Variants in SLC6A4 observed in about 807,000 individuals in gnomAD.
The protein encoded by SLC6A4 is solute carrier family 6 member 4, also known as sodium-dependent serotonin transporter.
Under a neutral mutation model 73.4 loss-of-function variants are expected in SLC6A4, and 22 were observed. That is an observed-to-expected ratio of 0.30 (90% confidence interval 0.21 to 0.43). The LOEUF is 0.43. Ranked by LOEUF, SLC6A4 falls within the 20% of genes least tolerant of loss-of-function variation. The pLI, the probability that SLC6A4 is intolerant of heterozygous loss-of-function variation, is 1.00. For missense variants in SLC6A4, 593 were observed against 808.5 expected (o/e 0.73, Z 3.23); for synonymous variants, 270 against 315.5 (o/e 0.86, Z 1.53).
chr17:30,204,838 T>C (rs1243517032), intron 13 of SLC6A4, among the ~76,000 whole-genome samples: 1 of 152,110 alleles, frequency 6.6e-6, no homozygotes, highest in Non-Finnish European at 1.5e-5. Context: ...ATGGGAATTA[T>C]GAGTAGTGCG....
At chr17:30,214,557 G>T (rs1156565327) in intron 8 of SLC6A4, among the ~76,000 whole-genome samples, 1 of 150,594 alleles carries the variant, frequency 6.6e-6, no homozygotes, top group Non-Finnish European at 1.5e-5. Context: ...TAAACACATT[G>T]ACTAGTTAAA....
rs1465807544 is a variant in SLC6A4 at position 30,209,102 on chromosome 17, T to C, written c.1549+41A>G. ...AGCCCTTTGCTACTGTGCTGGCTGA[T>C]GGTGTAGAAGGGACCCAGCTGGCTG... On this transcript the variant is annotated intron_variant, in intron 12 of 14. Transcript: ENST00000650711. 3 of 1,386,526 alleles carry C rather than the reference T, an allele frequency of 2.2e-6. No individual in the cohort carries two copies. The South Asian group carries it at 3.5e-5, about 16-fold the overall frequency. The allele number at this position is 1,386,526 out of a possible 1,614,324, so 85.9% of individuals were successfully genotyped here.
In SLC6A4 at chr17:30,218,998, T is replaced by C. The variant is rs868542881; in HGVS notation, c.344-67A>G. 22 of 1,588,404 alleles carry C rather than the reference T, an allele frequency of 1.4e-5. No individual in the cohort carries two copies. In the Middle Eastern group the frequency reaches 1.1e-3, roughly 77 times the overall value. On this transcript the variant is annotated intron_variant, in intron 3 of 14. Transcript: ENST00000650711. Reference sequence around the variant, plus strand: ...GTCCCAGGATAGCCCAACCAATCTGTGACTGAGAATCACAGTCGCCGGATG... The same window carrying C: ...GTCCCAGGATAGCCCAACCAATCTGCGACTGAGAATCACAGTCGCCGGATG...
intron 1 of SLC6A4, among the ~76,000 whole-genome samples, chr17:30,224,006 A>G (rs1906851749): frequency 6.6e-6 from 1 of 152,232 alleles, no homozygotes; most frequent in African/African-American, 2.4e-5. Context: ...ATATTCAGCT[A>G]AATTAAACCT....
chr17:30,226,437 C>T (rs1294712140), intron 1 of SLC6A4, among the ~76,000 whole-genome samples: 1 of 152,232 alleles, frequency 6.6e-6, no homozygotes, highest in African/African-American at 2.4e-5. Context: ...AGCTGGCTCA[C>T]GCCTGTAATC....
chr17:30,205,195 T>C (rs1275480862), intron 13 of SLC6A4, among the ~76,000 whole-genome samples: 2 of 152,180 alleles, frequency 1.3e-5, no homozygotes, highest in African/African-American at 4.8e-5. Context: ...TTAAAAAATA[T>C]TGTGTGAAAA....
At chr17:30,230,629 GA>G (rs920238430) in intron 1 of SLC6A4, among the ~76,000 whole-genome samples, 1 of 152,134 alleles carries the variant, frequency 6.6e-6, no homozygotes, top group African/African-American at 2.4e-5. Context: ...GGGAAGTGGG[GA>G]AAAGGGGGTT....
rs1161007387 is a variant in SLC6A4 at position 30,198,500 on chromosome 17, G to A, written c.1849C>T (p.Pro617Ser). Reference protein sequence around the residue: ...RIIKSITPETPTEIPCGDIRL... With the variant: ...RIIKSITPETSTEIPCGDIRL... ...ATGTCCCCACAAGGAATTTCTGTTGGTGTTTCTGGGGTAATACTTTTAATA... is the reference window on the plus strand; with the variant it reads ...ATGTCCCCACAAGGAATTTCTGTTGATGTTTCTGGGGTAATACTTTTAATA... Residue 617 changes from proline (P) to serine (S), a missense_variant, in exon 15 of 15, where the codon CCA (proline) becomes TCA (serine). By Grantham distance (74) the Pro-to-Ser change is moderately conservative. Coordinates refer to ENST00000650711, the MANE Select transcript of SLC6A4 (RefSeq NM_001045.6). The A allele has an allele frequency of 2.5e-6, 4 of 1,601,690 alleles. No individual in the cohort carries two copies. Among genetic ancestry groups the A allele is most frequent in the Admixed American group, 3.3e-5 (2 of 59,900 alleles).
intron 7 of SLC6A4, 47 bp from the exon 8 acceptor site, chr17:30,215,761 G>A: frequency 6.6e-7 from 1 of 1,512,318 alleles, no homozygotes. Flanking sequence ...GGAGACACAG[G>A]CTTACCCTGG....
Position 30,197,624 on chromosome 17 carries a change from A to G in SLC6A4, c.*832T>C, listed in dbSNP as rs1415730537. 1 of 152,404 alleles carries G rather than the reference A, an allele frequency of 6.6e-6. No individual in the cohort carries two copies. The highest frequency in any genetic ancestry group is 1.9e-4 in the East Asian group (1 of 5,342). 9.4% of individuals were successfully genotyped at this position (152,404 alleles called of 1,614,324 possible). A position where few individuals can be genotyped will look rare whatever the true frequency, so the allele number is the denominator to read the frequency against. On this transcript the variant is annotated 3_prime_UTR_variant, in exon 15 of 15. Coordinates refer to ENST00000650711, the MANE Select transcript of SLC6A4 (RefSeq NM_001045.6). The stretch of plus-strand genomic sequence containing the variant: ...GAATGTTTAGCACAGAGAGACAGGA[A>G]GGTGGCAATGAGGTGCAGCAAACGC...
At position 30,197,361 on chromosome 17, in the gene SLC6A4, G is replaced by A. The variant is rs2143012852; in HGVS notation, c.*1095C>T. The A allele has an allele frequency of 6.6e-6, 1 of 152,492 alleles. No homozygotes were observed. Among genetic ancestry groups the A allele is most frequent in the Non-Finnish European group, 1.5e-5 (1 of 68,040 alleles). 9.4% of individuals were successfully genotyped at this position (152,492 alleles called of 1,614,324 possible). A position where few individuals can be genotyped will look rare whatever the true frequency, so the allele number is the denominator to read the frequency against. On this transcript the variant is annotated 3_prime_UTR_variant, in exon 15 of 15. Transcript: ENST00000650711. ...TTGGAGTGAAGATGCCTTGGTTTAG[G>A]TTAGGGTGCCAGATCTGTATAACCC...
At chr17:30,201,376 A>G (rs1380171529) in intron 14 of SLC6A4, among the ~76,000 whole-genome samples, 2 of 152,080 alleles carry the variant, frequency 1.3e-5, no homozygotes, top group Non-Finnish European at 2.9e-5. Flanking sequence ...CGCCCTACCT[A>G]CAATTAGTCT....
chr17:30,219,725 A>T (rs1906687337), intron 3 of SLC6A4, among the ~76,000 whole-genome samples: 1 of 152,164 alleles, frequency 6.6e-6, no homozygotes, highest in Non-Finnish European at 1.5e-5. Flanking sequence ...GGCTGAATTT[A>T]AAAATACCAA....
chr17:30,204,056 T>C (rs1388079098), intron 13 of SLC6A4, among the ~76,000 whole-genome samples: 7 of 152,190 alleles, frequency 4.6e-5, no homozygotes, highest in Admixed American at 3.9e-4. Context: ...GAAGGAAAAA[T>C]AGCAGCTTAA....
intron 6 of SLC6A4, among the ~76,000 whole-genome samples, chr17:30,216,726 T>C (rs1321082826): frequency 1.3e-5 from 2 of 151,968 alleles, no homozygotes; most frequent in Non-Finnish European, 2.9e-5. Flanking sequence ...AGGAGTGTAA[T>C]GGCATGATCT....
Position 30,209,214 on chromosome 17 carries a change from T to A in SLC6A4, c.1478A>T (p.Glu493Val). ...CACTGCGGGCCCCGTGGCATACTCC[T>A]CCAGCAGCTTCACCACGTAGGCCCC... The part of the protein sequence containing the change: ...FGGAYVVKLL[E>V]EYATGPAVLT... The change falls in exon 12 of 15, where the codon GAG (glutamate) becomes GTG (valine). Residue 493 changes from glutamate (E) to valine (V), a missense_variant. Physicochemically the swap from Glu to Val is moderately radical, Grantham distance 121. Coordinates refer to ENST00000650711, the MANE Select transcript of SLC6A4 (RefSeq NM_001045.6). The A allele has an allele frequency of 6.2e-7, 1 of 1,613,400 alleles. No homozygotes were observed.
At chr17:30,210,473 C>T in intron 11 of SLC6A4, 42 bp downstream of exon 11, 1 of 1,598,820 alleles carries the variant, frequency 6.3e-7, no homozygotes, top group South Asian at 1.1e-5. Context: ...GTTCTGCTGC[C>T]CTAGGGGAGG....
intron 1 of SLC6A4, among the ~76,000 whole-genome samples, chr17:30,230,045 AAAGAAGAAG>A (rs1189804200): frequency 1.1e-3 from 126 of 111,138 alleles, no homozygotes; most frequent in East Asian, 8.9e-3. Context: ...GAAAAAGAAG[AAAGAAGAAG>A]AAGAAGAAGA....
At chr17:30,232,183 C>T (rs537229397) in intron 1 of SLC6A4, among the ~76,000 whole-genome samples, 112 of 152,350 alleles carry the variant, frequency 7.4e-4, no homozygotes, top group African/African-American at 2.5e-3. Context: ...AAACCCAAGA[C>T]GGCAAAGGCC....
Sources: allele counts gnomAD v4.1 joint callset (sites outside exome capture counted in the v4.1 genomes callset), GRCh38; gene constraint gnomAD v4.1.1; transcripts MANE v1.5; gene names NCBI Gene and HGNC (gene_info 2026-07-23, HGNC 2026-07-21).